TNFSF4: variants seen among roughly 807,000 people sequenced by gnomAD.
TNFSF4 encodes the protein tumor necrosis factor ligand superfamily member 4.
Under a neutral mutation model 7.3 loss-of-function variants are expected in TNFSF4, and 4 were observed. That is an observed-to-expected ratio of 0.55 (90% CI 0.27 to 1.25). TNFSF4 has a LOEUF of 1.25. TNFSF4 is among the 50% of genes most tolerant of loss of function. TNFSF4 has a pLI of 0.12. For missense variants in TNFSF4, 181 were observed against 208.8 expected, an observed-to-expected ratio of 0.87 and a Z score of 0.82; for synonymous variants, 76 against 83.7, an observed-to-expected ratio of 0.91 and a Z score of 0.50.
intron 1 of TNFSF4, among the ~76,000 whole-genome samples, chr1:173,200,692 C>T (rs1344790876): frequency 6.6e-6 from 1 of 152,042 alleles, no homozygotes; most frequent in Non-Finnish European, 1.5e-5. Flanking sequence ...TGATCTTTGA[C>T]ACTGTTTCAC....
chr1:173,386,305 G>T, the TNFSF4 span, among the ~76,000 whole-genome samples: 1 of 152,180 alleles, frequency 6.6e-6, no homozygotes, highest in African/African-American at 2.4e-5. Flanking sequence ...AGTGGTAAAC[G>T]TTGGCAGTGT....
the TNFSF4 span, among the ~76,000 whole-genome samples, chr1:173,370,163 A>G: frequency 6.6e-6 from 1 of 152,214 alleles, no homozygotes; most frequent in African/African-American, 2.4e-5. Context: ...TGATCCTGAT[A>G]GATATACAGA....
chr1:173,228,015 G>C, the TNFSF4 span, among the ~76,000 whole-genome samples: 2 of 152,172 alleles, frequency 1.3e-5, no homozygotes, highest in Admixed American at 1.3e-4. Context: ...TGGGGGCGGG[G>C]CATAGCCAAA....
At chr1:173,196,711 A>G (rs369125638) in intron 1 of TNFSF4, among the ~76,000 whole-genome samples, 198 of 152,334 alleles carry the variant, frequency 1.3e-3, no homozygotes, top group African/African-American at 4.5e-3. Flanking sequence ...GTGACATGAA[A>G]TCTATGTGAT....
chr1:173,327,046 C>A, the TNFSF4 span, among the ~76,000 whole-genome samples: 1 of 152,156 alleles, frequency 6.6e-6, no homozygotes, highest in Non-Finnish European at 1.5e-5. Flanking sequence ...CAAAAAAGAG[C>A]CTGCATTGCC....
chr1:173,195,994 A>G (rs1215470864), intron 1 of TNFSF4, among the ~76,000 whole-genome samples: 1 of 152,178 alleles, frequency 6.6e-6, no homozygotes, highest in African/African-American at 2.4e-5. Flanking sequence ...TCATGAAAGC[A>G]TGACCTCACA....
chr1:173,449,248 C>G, the TNFSF4 span, among the ~76,000 whole-genome samples: 9 of 152,196 alleles, frequency 5.9e-5, no homozygotes, highest in Non-Finnish European at 1.3e-4. Flanking sequence ...GAAGCTGATG[C>G]CAGAGCTGTT....
chr1:173,313,854 T>G, the TNFSF4 span, among the ~76,000 whole-genome samples: 3 of 152,090 alleles, frequency 2.0e-5, no homozygotes, highest in South Asian at 4.1e-4. Context: ...ATAGTAATAT[T>G]TGAATTTTGT....
At chr1:173,387,991 A>G in the TNFSF4 span, among the ~76,000 whole-genome samples, 1 of 152,174 alleles carries the variant, frequency 6.6e-6, no homozygotes, top group African/African-American at 2.4e-5. Context: ...GTTGCATGAT[A>G]TATGACACTT....
the TNFSF4 span, among the ~76,000 whole-genome samples, chr1:173,299,960 C>CA: frequency 6.6e-6 from 1 of 151,576 alleles, no homozygotes; most frequent in African/African-American, 2.4e-5. Context: ...CTCACATGGC[C>CA]AAAAAATTAC....
the TNFSF4 span, chr1:173,174,177 C>A: frequency 1.3e-5 from 2 of 152,200 alleles, no homozygotes; most frequent in Admixed American, 1.3e-4. Context: ...GACCTTTACT[C>A]CAGGTCCCAA....
the TNFSF4 span, among the ~76,000 whole-genome samples, chr1:173,423,068 A>G: frequency 6.6e-6 from 1 of 152,050 alleles, no homozygotes; most frequent in African/African-American, 2.4e-5. Context: ...TCCCAGGTTC[A>G]AGCGATTCTC....
At chr1:173,311,184 C>A in the TNFSF4 span, among the ~76,000 whole-genome samples, 1 of 151,998 alleles carries the variant, frequency 6.6e-6, no homozygotes, top group African/African-American at 2.4e-5. Flanking sequence ...TTTTATTGCT[C>A]CTTTTTTGCC....
chr1:173,207,063 C>G lies in TNFSF4; in HGVS notation c.114G>C (p.Leu38=). 3 of 1,613,582 alleles carry G rather than the reference C, an allele frequency of 1.9e-6. No individual in the cohort carries two copies. The highest frequency in any genetic ancestry group is 1.7e-6 in the Non-Finnish European group (2 of 1,179,774). The part of the protein sequence containing the change: ...ASVIQGLGLL[L]CFTYICLHFS... ...AGTGCAGGCAGATGTAGGTGAAGCA[C>G]AGGAGCAGCCCCAGTCCCTGAATTA... is the stretch of plus-strand genomic sequence containing the variant. The change falls in exon 1 of 3, where the codon CTG becomes CTC. Residue 38 remains leucine, a synonymous_variant. Coordinates refer to ENST00000281834, the MANE Select transcript of TNFSF4 (RefSeq NM_003326.5).
intron 1 of TNFSF4, among the ~76,000 whole-genome samples, chr1:173,198,290 C>T (rs1392021439): frequency 6.6e-6 from 1 of 152,206 alleles, no homozygotes; most frequent in Non-Finnish European, 1.5e-5. Context: ...AATGTCTAAA[C>T]TCAATTTAGA....
chr1:173,189,851 T>C (rs976119225), intron 1 of TNFSF4, among the ~76,000 whole-genome samples: 8 of 152,036 alleles, frequency 5.3e-5, no homozygotes, highest in Non-Finnish European at 7.4e-5. Context: ...CCTCTACTTT[T>C]CATGGTCTAA....
intron 2 of TNFSF4, among the ~76,000 whole-genome samples, chr1:173,188,275 T>C (rs2101982397): frequency 6.6e-6 from 1 of 152,358 alleles, no homozygotes; most frequent in East Asian, 1.9e-4. Context: ...GAGGATTAAA[T>C]GAGGAACATA....
the TNFSF4 span, among the ~76,000 whole-genome samples, chr1:173,353,368 T>C: frequency 6.6e-6 from 1 of 152,342 alleles, no homozygotes; most frequent in African/African-American, 2.4e-5. Context: ...GTCTTCACAA[T>C]TTATTTTCTT....
the TNFSF4 span, among the ~76,000 whole-genome samples, chr1:173,321,252 T>G: frequency 6.6e-6 from 1 of 152,184 alleles, no homozygotes; most frequent in Non-Finnish European, 1.5e-5. Flanking sequence ...TAATAAATGG[T>G]GTTGGGAAAA....
Sources: gnomAD v4.1 joint callset for allele counts (sites outside exome capture counted in the v4.1 genomes callset) on GRCh38, gnomAD v4.1.1 for gene constraint, MANE v1.5 for transcripts, NCBI Gene and HGNC (gene_info 2026-07-23, HGNC 2026-07-21) for gene names.